The following NT5DC3 variants were observed in gnomAD, a reference collection of about 807,000 sequenced individuals.
NT5DC3 encodes 5'-nucleotidase domain-containing protein 3.
A neutral mutation model predicts 67.8 loss-of-function variants in NT5DC3; 42 were observed. That is an observed-to-expected ratio of 0.62 (90% CI 0.48 to 0.80). The LOEUF is 0.80. Ranked by LOEUF, NT5DC3 falls within the 30% of genes least tolerant of loss-of-function variation. The pLI is 0.00. For synonymous variants in NT5DC3, 237 were observed against 255.6 expected, an observed-to-expected ratio of 0.93 and a Z score of 0.69; for missense variants, 570 against 696.4, an observed-to-expected ratio of 0.82 and a Z score of 2.04.
the NT5DC3 span, among the ~76,000 whole-genome samples, chr12:103,757,508 C>A: frequency 6.6e-6 from 1 of 152,234 alleles, no homozygotes; most frequent in Non-Finnish European, 1.5e-5. Context: ...AGATCCAGAT[C>A]CTATGGAAAA....
intron 2 of NT5DC3, among the ~76,000 whole-genome samples, chr12:103,807,380 C>T (rs976544770): frequency 2.6e-5 from 4 of 152,226 alleles, no homozygotes; most frequent in African/African-American, 4.8e-5. Flanking sequence ...TCATTGTCAA[C>T]CATCCATTCA....
chr12:103,840,307 T>A (rs531879129), intron 1 of NT5DC3, among the ~76,000 whole-genome samples: 1 of 152,152 alleles, frequency 6.6e-6, no homozygotes, highest in South Asian at 2.1e-4. Flanking sequence ...TAGAATCCCC[T>A]CCTCACCGAG....
At chr12:103,824,302 C>T (rs1394326090) in intron 1 of NT5DC3, among the ~76,000 whole-genome samples, 2 of 152,200 alleles carry the variant, frequency 1.3e-5, no homozygotes, top group Non-Finnish European at 2.9e-5. Flanking sequence ...TCTCTAATAA[C>T]CACTCTGTTT....
chr12:103,821,153 G>C (rs11111800), intron 1 of NT5DC3, among the ~76,000 whole-genome samples: 1 of 152,240 alleles, frequency 6.6e-6, no homozygotes, highest in South Asian at 2.1e-4. Flanking sequence ...GGAAGGCTAA[G>C]CCACCACGTG....
Position 103,798,619 on chromosome 12 carries a change from G to A in NT5DC3, c.583C>T (p.Pro195Ser). ...TAAAAGTCACTCATCTGCTCCAAGG[G>A]CACGTGGGACCCCTCGTACATTTCA... is the stretch of plus-strand genomic sequence containing the variant. ...VIEMYEGSHV[P>S]LEQMSDFYGK... Residue 195 changes from proline (P) to serine (S), a missense_variant, in exon 5 of 14, where the codon CCC becomes TCC. Coordinates refer to ENST00000392876, the MANE Select transcript of NT5DC3 (RefSeq NM_001031701.3). 6 of 1,613,794 alleles carry A rather than the reference G, an allele frequency of 3.7e-6. No individual in the cohort carries two copies.
intron 4 of NT5DC3, chr12:103,802,282 G>A (rs1886622154): frequency 6.6e-6 from 1 of 152,254 alleles, no homozygotes; most frequent in Admixed American, 6.5e-5. Flanking sequence ...AGGGTGAGCA[G>A]AGGACTCACC....
the NT5DC3 span, chr12:103,763,317 G>A: frequency 9.5e-6 from 6 of 633,336 alleles, no homozygotes; most frequent in East Asian, 1.1e-4. Context: ...AGATGTCACT[G>A]AGCTGAATCT....
intron 12 of NT5DC3, among the ~76,000 whole-genome samples, chr12:103,782,977 C>T (rs1242790213): frequency 2.0e-5 from 3 of 152,202 alleles, no homozygotes; most frequent in Non-Finnish European, 4.4e-5. Flanking sequence ...CAGAGCAAGA[C>T]TCCATCTCAA....
At chr12:103,785,188 G>A in intron 12 of NT5DC3, 147 bp downstream of exon 12, 1 of 730,996 alleles carries the variant, frequency 1.4e-6, no homozygotes, top group Non-Finnish European at 2.3e-6. Flanking sequence ...ACACTGTCTA[G>A]GCAAAAGAAC....
In NT5DC3 at chr12:103,841,120, C is replaced by G. The variant is rs1168029184; in HGVS notation, c.37G>C (p.Ala13Pro). 4.9e-6 allele frequency: 5 copies of G among 1,010,854 alleles called. No homozygotes were observed. The highest frequency in any genetic ancestry group is 6.5e-6 in the Non-Finnish European group (5 of 767,594). 62.6% of individuals were successfully genotyped at this position (1,010,854 alleles called of 1,614,324 possible). ...MAAAAVVARG[A>P]GARAATAAAL... Reference sequence around the variant, plus strand: ...GCCGCTGTCGCTGCCCTCGCCCCGGCCCCGCGTGCCACCACCGCCGCCGCT... The same window carrying G: ...GCCGCTGTCGCTGCCCTCGCCCCGGGCCCGCGTGCCACCACCGCCGCCGCT... The change falls in exon 1 of 14, where the codon GCC (alanine) becomes CCC (proline). Residue 13 changes from alanine to proline, a missense_variant. This residue lies in a region of NT5DC3 where 104 missense variants were observed against 88.4 expected (regional missense o/e 1.18). Transcript: ENST00000392876.
chr12:103,765,957 T>A, downstream of NT5DC3: 1 of 429,858 alleles, frequency 2.3e-6, no homozygotes, highest in South Asian at 2.0e-5. Flanking sequence ...GTGAGGTGCT[T>A]ATACCTTGCT....
chr12:103,778,152 C>A, intron 13 of NT5DC3, 71 bp from the exon 14 acceptor site: 11 of 1,387,882 alleles, frequency 7.9e-6, no homozygotes, highest in South Asian at 1.5e-5. Context: ...CTACTGAAAT[C>A]AAAATCACTT....
the NT5DC3 span, chr12:103,763,303 G>A: frequency 3.9e-4 from 242 of 612,746 alleles, no homozygotes; most frequent in Non-Finnish European, 5.9e-4. Context: ...GGCAGACATC[G>A]GTAAGATGTC....
the NT5DC3 span, among the ~76,000 whole-genome samples, chr12:103,752,100 C>A: frequency 1.3e-5 from 2 of 152,150 alleles, no homozygotes; most frequent in African/African-American, 4.8e-5. Flanking sequence ...GTTTCCAGGA[C>A]CCCATCCTAC....
At chr12:103,786,311 G>T (rs773556436) in intron 11 of NT5DC3, among the ~76,000 whole-genome samples, 2 of 152,190 alleles carry the variant, frequency 1.3e-5, no homozygotes, top group Non-Finnish European at 2.9e-5. Context: ...CAAGGTGGGG[G>T]AAAGTATGAA....
chr12:103,759,947 T>C, the NT5DC3 span, among the ~76,000 whole-genome samples: 1 of 152,204 alleles, frequency 6.6e-6, no homozygotes, highest in South Asian at 2.1e-4. Context: ...GATACATTTG[T>C]GGAAAATTGA....
rs547821401 is a variant in NT5DC3, at chr12:103,776,354, G to A, written c.*1475C>T. 4 of 152,220 alleles carry A rather than the reference G, an allele frequency of 2.6e-5. No individual in the cohort carries two copies. Among genetic ancestry groups the A allele is most frequent in the African/African-American group, 4.8e-5 (2 of 41,422 alleles). 9.4% of individuals were successfully genotyped at this position (152,220 alleles called of 1,614,324 possible). A position where few individuals can be genotyped will look rare whatever the true frequency, so the allele number is the denominator to read the frequency against. Reference sequence around the variant, plus strand: ...GCAGATTATCTGAGGTCGGGAGTTCGAGACCAGCCTGACCAACATGGAGAA... The same window carrying A: ...GCAGATTATCTGAGGTCGGGAGTTCAAGACCAGCCTGACCAACATGGAGAA... On this transcript the variant is annotated 3_prime_UTR_variant, in exon 14 of 14. Coordinates refer to ENST00000392876, the MANE Select transcript of NT5DC3 (RefSeq NM_001031701.3).
intron 4 of NT5DC3, chr12:103,802,397 A>G (rs1017035467): frequency 6.6e-5 from 10 of 152,218 alleles, no homozygotes; most frequent in African/African-American, 2.4e-4. Flanking sequence ...GGCAAGAAAG[A>G]AGATGTCAAG....
At chr12:103,789,025 T>G in intron 9 of NT5DC3, 106 bp from the exon 10 acceptor site, 1 of 775,848 alleles carries the variant, frequency 1.3e-6, no homozygotes, top group Non-Finnish European at 2.2e-6. Context: ...TGCAAAAACC[T>G]AAAAAAAACC....
Sources: gnomAD v4.1 joint callset for allele counts (sites outside exome capture counted in the v4.1 genomes callset) on GRCh38, gnomAD v4.1.1 for gene constraint, gnomAD v4.1.1 regional missense constraint, MANE v1.5 for transcripts, NCBI Gene and HGNC (gene_info 2026-07-23, HGNC 2026-07-21) for gene names.